The following KIF20B variants were observed in gnomAD, a reference collection of about 807,000 sequenced individuals.
The protein encoded by KIF20B is kinesin family member 20B.
KIF20B carries 188 observed loss-of-function variants against 232.5 expected under a neutral mutation model. That is an observed-to-expected ratio of 0.81 (90% CI 0.72 to 0.91). KIF20B has a LOEUF of 0.91. Ranked by LOEUF, KIF20B falls within the 40% of genes least tolerant of loss-of-function variation. The pLI is 0.00. For synonymous variants in KIF20B, 712 were observed against 683.0 expected, an observed-to-expected ratio of 1.04 and a Z score of -0.66; for missense variants, 2,154 against 2,055.9, an observed-to-expected ratio of 1.05 and a Z score of -0.92.
At chr10:89,727,788 A>G in intron 16 of KIF20B, 68 bp from the exon 17 acceptor site, 1 of 1,347,632 alleles carries the variant, frequency 7.4e-7, no homozygotes, top group Non-Finnish European at 1.0e-6. Flanking sequence ...CATATGTTTC[A>G]TAGTTATTCA....
chr10:89,772,036 A>C (rs1031895480), intron 31 of KIF20B, among the ~76,000 whole-genome samples: 2 of 142,764 alleles, frequency 1.4e-5, no homozygotes, highest in Non-Finnish European at 3.0e-5. Context: ...TAATGCCTTA[A>C]ATGTTTTTTC....
Position 89,725,144 on chromosome 10 carries a change from A to C in KIF20B, c.1987A>C (p.Lys663Gln). 6.2e-7 allele frequency: 1 copy of C among 1,614,002 alleles called. No homozygotes were observed. The highest frequency in any genetic ancestry group is 8.5e-7 in the Non-Finnish European group (1 of 1,179,954). ...AGCAGCGAAAGACATTTGTGCCACA[A>C]AAGTTGAAACTGAAGTATGTTAATT... ...EEAAKDICATKVETEETHNYV... is the reference protein window; with the variant it reads ...EEAAKDICATQVETEETHNYV... Residue 663 changes from lysine to glutamine, a missense_variant, in exon 15 of 33, where the codon AAA (lysine) becomes CAA (glutamine). Coordinates refer to ENST00000371728, the MANE Select transcript of KIF20B (RefSeq NM_001284259.2).
At chr10:89,734,599 A>C (rs186599490) in intron 19 of KIF20B, among the ~76,000 whole-genome samples, 24 of 152,290 alleles carry the variant, frequency 1.6e-4, no homozygotes, top group Admixed American at 1.5e-3. Flanking sequence ...ATAGAAACTC[A>C]TTTGTATATG....
rs753535801 is a variant in KIF20B, at chr10:89,738,228, A to G, written c.3387A>G (p.Gln1129=). Residue 1129 remains glutamine (Q), a synonymous_variant, in exon 20 of 33, where the codon CAA becomes CAG. Coordinates refer to ENST00000371728, the MANE Select transcript of KIF20B (RefSeq NM_001284259.2). The part of the protein sequence containing the change: ...TLIQQLKEEL[Q]EKNVTLDVQI... The stretch of plus-strand genomic sequence containing the variant: ...TACAGCAGCTGAAAGAAGAATTGCA[A>G]GAAAAAAATGTTACTCTTGATGTTC... 2 of 1,602,164 alleles carry G rather than the reference A, an allele frequency of 1.2e-6. No individual in the cohort carries two copies. The highest frequency in any genetic ancestry group is 1.7e-6 in the Non-Finnish European group (2 of 1,177,498).
intron 26 of KIF20B, among the ~76,000 whole-genome samples, chr10:89,755,417 T>TCCCTC (rs1185598793): frequency 8.8e-6 from 1 of 113,312 alleles, no homozygotes; most frequent in Non-Finnish European, 1.9e-5. Context: ...CTCCTTTCCT[T>TCCCTC]CCCTCCCCTC....
At chr10:89,746,063 A>T in intron 23 of KIF20B, 104 bp downstream of exon 23, 3 of 809,454 alleles carry the variant, frequency 3.7e-6, no homozygotes, top group Non-Finnish European at 6.3e-6. Context: ...CTGCAGCTCA[A>T]ACCCCTAGGG....
chr10:89,735,455 A>G lies in KIF20B; in HGVS notation c.2546-1932A>G, dbSNP rs141733970. Among the ~76,000 whole-genome samples, 10 of 152,062 alleles carry G rather than the reference A, an allele frequency of 6.6e-5. No homozygotes were observed. The East Asian group carries it at 1.9e-3, about 29-fold the overall frequency. On this transcript the variant is annotated intron_variant, in intron 19 of 32. Transcript: ENST00000371728. ...ATAAAGAGCTGAGATGCATAGGATA[A>G]TATTCGGGACTCATTAAAAAGAAAA...
At chr10:89,702,539 G>C (rs993689239) in intron 1 of KIF20B, among the ~76,000 whole-genome samples, 1 of 152,172 alleles carries the variant, frequency 6.6e-6, no homozygotes, top group Non-Finnish European at 1.5e-5. Flanking sequence ...TCATCGATTA[G>C]TTGTGAAGAC....
intron 18 of KIF20B, among the ~76,000 whole-genome samples, chr10:89,730,512 G>A (rs1010728608): frequency 6.6e-6 from 1 of 152,152 alleles, no homozygotes; most frequent in Non-Finnish European, 1.5e-5. Context: ...AGATGAAAAT[G>A]ATTAAGTTGA....
chr10:89,757,069 T>TATATATATAC (rs138088478), intron 26 of KIF20B, among the ~76,000 whole-genome samples: 59 of 134,348 alleles, frequency 4.4e-4, no homozygotes, highest in Admixed American at 1.6e-3. Flanking sequence ...TATATATATA[T>TATATATATAC]ACACACATGA....
In KIF20B at chr10:89,718,693, G is replaced by A; in HGVS notation, c.1272-17G>A. ...TGTTTTTTAACTTACAATGTTTTCT[G>A]AAAATTTTTTCTGTAGGTTTCAACA... is the stretch of plus-strand genomic sequence containing the variant. On this transcript the variant is annotated splice_polypyrimidine_tract_variant and intron_variant, in intron 11 of 32. Transcript: ENST00000371728. 1.3e-6 allele frequency: 2 copies of A among 1,595,040 alleles called. No homozygotes were observed. Among genetic ancestry groups the A allele is most frequent in the Non-Finnish European group, 1.7e-6 (2 of 1,171,510 alleles).
chr10:89,774,017 AACG>A lies in KIF20B; in HGVS notation c.5438_5440del (p.Arg1813del). ...AAGGAGAGTGATCACCAGATTATCA[AACG>A]ACGACTTCGAACAAAAACAGCCAAA... On this transcript the variant is annotated inframe_deletion, in exon 33 of 33. Transcript: ENST00000371728. The A allele has an allele frequency of 6.3e-7, 1 of 1,593,434 alleles. No homozygotes were observed. The highest frequency in any genetic ancestry group is 2.3e-5 in the East Asian group (1 of 44,364).
intron 23 of KIF20B, among the ~76,000 whole-genome samples, chr10:89,748,644 C>T (rs1487307423): frequency 6.6e-6 from 1 of 152,164 alleles, no homozygotes; most frequent in African/African-American, 2.4e-5. Flanking sequence ...ACCCTAACAT[C>T]TCCTATTTCA....
Position 89,744,635 on chromosome 10 carries a change from A to T in KIF20B, c.4035+708A>T, listed in dbSNP as rs575532645. Reference sequence around the variant, plus strand: ...CAAATTCCTTTTAAAAATGATATTTAAAAGGCAAAATCCCTTTATTGTATA... The same window carrying T: ...CAAATTCCTTTTAAAAATGATATTTTAAAGGCAAAATCCCTTTATTGTATA... On this transcript the variant is annotated intron_variant, in intron 22 of 32. Coordinates refer to ENST00000371728, the MANE Select transcript of KIF20B (RefSeq NM_001284259.2). Among the ~76,000 whole-genome samples, 9 of 152,348 alleles carry T rather than the reference A, an allele frequency of 5.9e-5. No individual in the cohort carries two copies. In the South Asian group the frequency reaches 1.9e-3, roughly 32 times the overall value.
chr10:89,726,754 A>G (rs987095387), intron 16 of KIF20B, among the ~76,000 whole-genome samples: 2 of 152,186 alleles, frequency 1.3e-5, no homozygotes, highest in Non-Finnish European at 2.9e-5. Context: ...GAGCTTCTCA[A>G]CAAAAAAAGT....
intron 2 of KIF20B, 56 bp from the exon 3 acceptor site, chr10:89,709,111 T>G: frequency 8.2e-7 from 1 of 1,222,006 alleles, no homozygotes; most frequent in Non-Finnish European, 1.2e-6. Flanking sequence ...GGAAAAATGG[T>G]CTCTGAAAAG....
intron 2 of KIF20B, among the ~76,000 whole-genome samples, chr10:89,708,940 G>A (rs1288705964): frequency 2.6e-5 from 4 of 152,080 alleles, no homozygotes; most frequent in Admixed American, 6.6e-5. Context: ...TAAACTTCAC[G>A]TATAAATACA....
At chr10:89,735,068 T>A (rs1304869068) in intron 19 of KIF20B, among the ~76,000 whole-genome samples, 2 of 152,158 alleles carry the variant, frequency 1.3e-5, no homozygotes, top group Non-Finnish European at 2.9e-5. Flanking sequence ...AGAAAATCAC[T>A]CTTGTGTAAA....
chr10:89,710,644 A>G (rs1842819102), intron 5 of KIF20B, among the ~76,000 whole-genome samples: 1 of 152,266 alleles, frequency 6.6e-6, no homozygotes, highest in African/African-American at 2.4e-5. Flanking sequence ...GATACAGAGA[A>G]TTAAGCATAA....
Sources: allele counts gnomAD v4.1 joint callset (sites outside exome capture counted in the v4.1 genomes callset), GRCh38; gene constraint gnomAD v4.1.1; transcripts MANE v1.5; gene names NCBI Gene and HGNC (gene_info 2026-07-23, HGNC 2026-07-21).